KPNA3: variants seen among roughly 807,000 people sequenced by gnomAD.
The protein encoded by KPNA3 is karyopherin subunit alpha 3.
A neutral mutation model predicts 73.8 loss-of-function variants in KPNA3; 13 were observed. The observed-to-expected ratio is 0.18, with a 90% CI of 0.11 to 0.28. The LOEUF is 0.28. Ranked by LOEUF, KPNA3 falls within the 10% of genes least tolerant of loss-of-function variation. KPNA3 has a pLI of 1.00. For missense variants in KPNA3, 360 were observed against 618.1 expected, an observed-to-expected ratio of 0.58 and a Z score of 4.43; for synonymous variants, 186 against 206.9, an observed-to-expected ratio of 0.90 and a Z score of 0.87.
chr13:49,748,635 GAT>G (rs1402612785), intron 1 of KPNA3, among the ~76,000 whole-genome samples: 6 of 151,820 alleles, frequency 4.0e-5, no homozygotes, highest in African/African-American at 1.5e-4. Context: ...AAATAATCTA[GAT>G]ATAAACTTAA....
At chr13:49,747,320 C>T (rs1004466548) in intron 1 of KPNA3, among the ~76,000 whole-genome samples, 6 of 151,446 alleles carry the variant, frequency 4.0e-5, no homozygotes, top group African/African-American at 1.2e-4. Context: ...CACTCCAGGC[C>T]TGGGCGACAG....
At chr13:49,727,550 T>TA in intron 6 of KPNA3, among the ~76,000 whole-genome samples, 1 of 151,706 alleles carries the variant, frequency 6.6e-6, no homozygotes, top group Admixed American at 6.6e-5. Context: ...CAAATAGTGA[T>TA]ATACAGGTTA....
intron 6 of KPNA3, among the ~76,000 whole-genome samples, chr13:49,727,825 C>A (rs921327550): frequency 2.0e-5 from 3 of 152,102 alleles, no homozygotes; most frequent in African/African-American, 4.8e-5. Context: ...AAACAAACAT[C>A]AAATTTATGG....
intron 15 of KPNA3, among the ~76,000 whole-genome samples, chr13:49,703,729 A>G (rs1167831501): frequency 1.3e-5 from 2 of 152,298 alleles, no homozygotes; most frequent in East Asian, 3.9e-4. Context: ...TTATATTTCC[A>G]ATATATTTAC....
At chr13:49,748,907 T>C (rs1391675065) in intron 1 of KPNA3, among the ~76,000 whole-genome samples, 1 of 152,152 alleles carries the variant, frequency 6.6e-6, no homozygotes, top group African/African-American at 2.4e-5. Context: ...ATACCAACAT[T>C]AATGAAGTGT....
At chr13:49,776,715 G>C (rs771570355) in intron 1 of KPNA3, among the ~76,000 whole-genome samples, 18 of 152,090 alleles carry the variant, frequency 1.2e-4, no homozygotes, top group Non-Finnish European at 2.4e-4. Flanking sequence ...ATTGAAAAAT[G>C]CTTCTATCCA....
intron 1 of KPNA3, among the ~76,000 whole-genome samples, chr13:49,767,442 G>T (rs1954818222): frequency 1.3e-5 from 2 of 150,642 alleles, no homozygotes; most frequent in South Asian, 2.1e-4. Context: ...AAGAAAAAAA[G>T]AATAATATCA....
At chr13:49,709,282 T>C (rs1359610920) in intron 12 of KPNA3, among the ~76,000 whole-genome samples, 53 of 151,370 alleles carry the variant, frequency 3.5e-4, no homozygotes. Context: ...GCACCTGTAG[T>C]CCCAGCTTCT....
intron 6 of KPNA3, among the ~76,000 whole-genome samples, chr13:49,730,502 A>G (rs1365869784): frequency 2.6e-5 from 3 of 113,946 alleles, no homozygotes; most frequent in Non-Finnish European, 5.0e-5. Context: ...CCTGGGCAAC[A>G]GAGCGAGACT....
intron 14 of KPNA3, 59 bp downstream of exon 14, chr13:49,706,037 TAA>T: frequency 7.0e-7 from 1 of 1,435,374 alleles, no homozygotes; most frequent in Non-Finnish European, 9.6e-7. Flanking sequence ...CTACGAAACA[TAA>T]GAGAGCAGCA....
intron 7 of KPNA3, among the ~76,000 whole-genome samples, chr13:49,723,759 A>C (rs1954382369): frequency 6.6e-6 from 1 of 150,900 alleles, no homozygotes; most frequent in African/African-American, 2.4e-5. Flanking sequence ...AGTCCCAGCT[A>C]CTTGGGAGGG....
chr13:49,715,921 T>C (rs759156687), intron 10 of KPNA3, among the ~76,000 whole-genome samples: 6 of 152,248 alleles, frequency 3.9e-5, no homozygotes, highest in Non-Finnish European at 7.3e-5. Flanking sequence ...AAATAAACTG[T>C]GTCCACAAAA....
chr13:49,716,757 A>C (rs1954307746), intron 10 of KPNA3, among the ~76,000 whole-genome samples: 1 of 152,068 alleles, frequency 6.6e-6, no homozygotes, highest in African/African-American at 2.4e-5. Flanking sequence ...CTACTTTTAA[A>C]AACTCCTTTG....
chr13:49,747,373 A>G (rs1954626037), intron 1 of KPNA3, among the ~76,000 whole-genome samples: 1 of 151,852 alleles, frequency 6.6e-6, no homozygotes, highest in Non-Finnish European at 1.5e-5. Flanking sequence ...AGAAAAAAAA[A>G]AACTCAGGTA....
rs1265643091 is a variant in KPNA3 at position 49,704,419 on chromosome 13, AAAATAAATAAATAAAAAATAAAT to A, written c.1372+1179_1372+1201del. 1.1e-3 allele frequency among the ~76,000 whole-genome samples: 135 copies of A among 127,650 alleles called. 4 individuals carry two copies. Among genetic ancestry groups the A allele is most frequent in the Admixed American group, 6.1e-3 (73 of 11,946 alleles). 83.7% of individuals were successfully genotyped at this position (127,650 alleles called of 152,430 possible). A position where few individuals can be genotyped will look rare whatever the true frequency, so the allele number is the denominator to read the frequency against. On this transcript the variant is annotated intron_variant, in intron 15 of 16. Transcript: ENST00000261667. ...AAGAGCGAAACTCTGTCTCAAAAAA[AAAATAAATAAATAAAAAATAAAT>A]AAATAAATAAATAAATAAATAAATA... is the stretch of plus-strand genomic sequence containing the variant.
chr13:49,749,196 A>G (rs1249651399), intron 1 of KPNA3, among the ~76,000 whole-genome samples: 2 of 152,244 alleles, frequency 1.3e-5, no homozygotes, highest in Non-Finnish European at 2.9e-5. Context: ...TTAGTGAGTT[A>G]AATTCTGAAG....
chr13:49,730,250 A>G (rs1193764718), intron 6 of KPNA3, among the ~76,000 whole-genome samples: 1 of 152,200 alleles, frequency 6.6e-6, no homozygotes, highest in Non-Finnish European at 1.5e-5. Context: ...AAGGGGCCCT[A>G]GGCCGGGCCC....
At chr13:49,762,998 G>A (rs1954781669) in intron 1 of KPNA3, among the ~76,000 whole-genome samples, 1 of 150,184 alleles carries the variant, frequency 6.7e-6, no homozygotes, top group African/African-American at 2.4e-5. Flanking sequence ...TAAGTGAAAT[G>A]AAAACTATGA....
At chr13:49,789,366 ATCTCT>A (rs1215015309) in intron 1 of KPNA3, among the ~76,000 whole-genome samples, 1 of 151,718 alleles carries the variant, frequency 6.6e-6, no homozygotes, top group Non-Finnish European at 1.5e-5. Flanking sequence ...CTCTCCAAAG[ATCTCT>A]TAAAGTCTCT....
Sources: gnomAD v4.1 joint callset for allele counts (sites outside exome capture counted in the v4.1 genomes callset) on GRCh38, gnomAD v4.1.1 for gene constraint, MANE v1.5 for transcripts, NCBI Gene and HGNC (gene_info 2026-07-23, HGNC 2026-07-21) for gene names.